The following DLC1 variants were observed in gnomAD, a reference collection of about 807,000 sequenced individuals.
DLC1 encodes the protein rho GTPase-activating protein 7.
Under a neutral mutation model 140.3 loss-of-function variants are expected in DLC1, and 54 were observed. The observed-to-expected ratio is 0.38, with a 90% CI of 0.31 to 0.48. DLC1 has a LOEUF of 0.48. Among genes scored for constraint, DLC1 ranks in the 20% least tolerant of loss-of-function variants. The probability of loss-of-function intolerance (pLI) is 0.96; values close to 1 mark genes in which losing one functional copy is unlikely to be tolerated. For synonymous variants in DLC1, 986 were observed against 728.1 expected (o/e 1.35, Z -5.70); for missense variants, 2,536 against 1,907.0 (o/e 1.33, Z -6.14).
At chr8:13,417,152 A>G (rs1838104881) in intron 2 of DLC1, among the ~76,000 whole-genome samples, 1 of 152,214 alleles carries the variant, frequency 6.6e-6, no homozygotes, top group South Asian at 2.1e-4. Context: ...TGGGATTTTT[A>G]GGAAGAGAAA....
At chr8:13,600,690 A>G (rs887304442) in intron 1 of DLC1, among the ~76,000 whole-genome samples, 1 of 151,866 alleles carries the variant, frequency 6.6e-6, no homozygotes, top group African/African-American at 2.4e-5. Context: ...AAATCTTGGT[A>G]TTTGAAGAAT....
chr8:13,382,529 A>AAAAAAAAAAAAAAGAAAG lies in DLC1; in HGVS notation c.1314+11023_1314+11024insCTTTCTTTTTTTTTTTTT, dbSNP rs557423876. On this transcript the variant is annotated intron_variant, in intron 4 of 17. Transcript: ENST00000276297. Reference sequence around the variant, plus strand: ...TCAAAAAAAAAAAAAAAAAAAAAAAAAAAGAAAGAGGAGACAGATAAGCTA... The same window carrying AAAAAAAAAAAAAAGAAAG: ...TCAAAAAAAAAAAAAAAAAAAAAAAAAAAAAAAAAAAAAGAAAGAAAGAAAGAGGAGACAGATAAGCTA... Among the ~76,000 whole-genome samples, 5 of 109,456 alleles carry AAAAAAAAAAAAAAGAAAG rather than the reference A, an allele frequency of 4.6e-5. 1 individual carries two copies. Among genetic ancestry groups the AAAAAAAAAAAAAAGAAAG allele is most frequent in the African/African-American group, 1.1e-4 (3 of 28,198 alleles). 71.8% of individuals were successfully genotyped at this position (109,456 alleles called of 152,430 possible).
intron 8 of DLC1, among the ~76,000 whole-genome samples, chr8:13,101,176 G>T (rs765616845): frequency 2.6e-5 from 4 of 152,182 alleles, no homozygotes; most frequent in Non-Finnish European, 5.9e-5. Context: ...TTCCCAAAGT[G>T]TTGGGATTAC....
At chr8:13,443,645 G>A (rs1255719015) in intron 2 of DLC1, among the ~76,000 whole-genome samples, 1 of 128,714 alleles carries the variant, frequency 7.8e-6, no homozygotes, top group African/African-American at 3.1e-5. Flanking sequence ...GCAACACAGC[G>A]AGACTCCGTC....
At chr8:13,122,436 C>T (rs1289136417) in intron 5 of DLC1, among the ~76,000 whole-genome samples, 4 of 151,834 alleles carry the variant, frequency 2.6e-5, no homozygotes, top group Admixed American at 6.6e-5. Flanking sequence ...TTGTATATCC[C>T]GAAAGACAAC....
intron 2 of DLC1, among the ~76,000 whole-genome samples, chr8:13,436,533 C>A (rs1388114500): frequency 6.6e-6 from 1 of 152,096 alleles, no homozygotes; most frequent in Non-Finnish European, 1.5e-5. Context: ...TTTAAAATGT[C>A]ATTGTCCGGA....
At chr8:13,480,852 T>C (rs1800698992) in intron 2 of DLC1, among the ~76,000 whole-genome samples, 2 of 152,132 alleles carry the variant, frequency 1.3e-5, no homozygotes, top group Admixed American at 1.3e-4. Flanking sequence ...TGCAGTCAGC[T>C]GAGATCACGC....
intron 4 of DLC1, among the ~76,000 whole-genome samples, chr8:13,379,254 A>C (rs1455356694): frequency 6.6e-6 from 1 of 152,180 alleles, no homozygotes; most frequent in Non-Finnish European, 1.5e-5. Context: ...GCCTGGCCTA[A>C]TTGCCTTCAC....
chr8:13,239,932 G>T (rs375889245), intron 5 of DLC1, among the ~76,000 whole-genome samples: 1 of 152,312 alleles, frequency 6.6e-6, no homozygotes, highest in African/African-American at 2.4e-5. Flanking sequence ...TGTAATGCTT[G>T]TTCTGGTGCC....
chr8:13,366,860 G>A (rs1163398109), intron 4 of DLC1, among the ~76,000 whole-genome samples: 4 of 152,058 alleles, frequency 2.6e-5, no homozygotes, highest in African/African-American at 4.8e-5. Context: ...TCTCCCTTCT[G>A]GCCGGGCTCT....
intron 5 of DLC1, among the ~76,000 whole-genome samples, chr8:13,120,356 A>ATATATATATATATATAT (rs1554577889): frequency 1.6e-5 from 1 of 61,136 alleles, no homozygotes; most frequent in Admixed American, 2.7e-4. Context: ...AAAAAAAAAA[A>ATATATATATATATATAT]ATATATATAT....
intron 1 of DLC1, among the ~76,000 whole-genome samples, chr8:13,507,355 C>T (rs976879250): frequency 1.3e-5 from 2 of 152,094 alleles, no homozygotes; most frequent in Non-Finnish European, 2.9e-5. Flanking sequence ...ATAGCAAAAA[C>T]CGTAAGAGCA....
chr8:13,135,677 G>C (rs929168717), intron 5 of DLC1, among the ~76,000 whole-genome samples: 1 of 152,100 alleles, frequency 6.6e-6, no homozygotes, highest in Non-Finnish European at 1.5e-5. Context: ...CCAATTCTCA[G>C]AATAAGTTCT....
intron 5 of DLC1, among the ~76,000 whole-genome samples, chr8:13,161,871 G>C (rs566079345): frequency 6.6e-6 from 1 of 152,254 alleles, no homozygotes; most frequent in East Asian, 1.9e-4. Flanking sequence ...AATATTCGTA[G>C]TATTTTTAGA....
chr8:13,181,343 T>G (rs28526167), intron 5 of DLC1, among the ~76,000 whole-genome samples: 8 of 151,520 alleles, frequency 5.3e-5, no homozygotes, highest in Non-Finnish European at 1.0e-4. Context: ...TTCTTTTTTT[T>G]TTTTTAGTAA....
chr8:13,115,544 T>G (rs780172220), intron 6 of DLC1, 42 bp downstream of exon 6: 3 of 1,567,886 alleles, frequency 1.9e-6, no homozygotes, highest in South Asian at 1.1e-5. Context: ...AACAAGGGAT[T>G]ATGATTATGC....
intron 5 of DLC1, among the ~76,000 whole-genome samples, chr8:13,125,261 G>A (rs1014546851): frequency 6.6e-6 from 1 of 152,300 alleles, no homozygotes; most frequent in South Asian, 2.1e-4. Context: ...ACAGGCATGA[G>A]CCACCAAACC....
chr8:13,243,094 AC>A, intron 5 of DLC1, among the ~76,000 whole-genome samples: 1 of 151,492 alleles, frequency 6.6e-6, no homozygotes, highest in African/African-American at 2.4e-5. Context: ...GTTCAAGACC[AC>A]CCTGGCCAAC....
intron 4 of DLC1, among the ~76,000 whole-genome samples, chr8:13,350,750 C>T (rs1374644047): frequency 1.3e-5 from 2 of 151,710 alleles, no homozygotes; most frequent in African/African-American, 2.4e-5. Context: ...TAAAGAGAAA[C>T]ACCAGAAGGT....
Sources: gnomAD v4.1 joint callset for allele counts (sites outside exome capture counted in the v4.1 genomes callset) on GRCh38, gnomAD v4.1.1 for gene constraint, MANE v1.5 for transcripts, NCBI Gene and HGNC (gene_info 2026-07-23, HGNC 2026-07-21) for gene names.